Variants in CSMD3 observed in about 807,000 individuals in gnomAD.
The protein encoded by CSMD3 is CUB and Sushi multiple domains 3.
Under a neutral mutation model 435.2 loss-of-function variants are expected in CSMD3, and 177 were observed. That is an observed-to-expected ratio of 0.41 (90% confidence interval 0.36 to 0.46). The LOEUF is 0.46. Among genes scored for constraint, CSMD3 ranks in the 20% least tolerant of loss-of-function variants. CSMD3 has a pLI of 0.34. For synonymous variants in CSMD3, 1,656 were observed against 1,520.5 expected (o/e 1.09, Z -2.07); for missense variants, 4,265 against 4,504.6 (o/e 0.95, Z 1.52).
chr8:112,961,383 A>T (rs2084224009), intron 7 of CSMD3, among the ~76,000 whole-genome samples: 1 of 151,866 alleles, frequency 6.6e-6, no homozygotes, highest in African/African-American at 2.4e-5. Context: ...AATGTATAAA[A>T]CCATATAAAT....
Position 113,153,652 on chromosome 8 carries a change from C to T in CSMD3, c.709+20070G>A, listed in dbSNP as rs57741560. ...GTTGTCCAAAAAGTGAAAGAGTTGC[C>T]ATTAAAGGTTGTGAATTCACAGCTG... On this transcript the variant is annotated intron_variant, in intron 4 of 70. Transcript: ENST00000297405. Among the ~76,000 whole-genome samples the T allele has an allele frequency of 7.7e-3, 1,168 of 152,058 alleles. 16 individuals are homozygous for T. Among genetic ancestry groups the T allele is most frequent in the African/African-American group, 0.027 (1,118 of 41,510 alleles).
chr8:113,173,530 C>T (rs1241239153), intron 4 of CSMD3, among the ~76,000 whole-genome samples, 192 bp downstream of exon 4: 2 of 152,040 alleles, frequency 1.3e-5, no homozygotes, highest in Non-Finnish European at 2.9e-5. Context: ...CTATATTGGC[C>T]AGGCTGGTCT....
At chr8:112,539,512 C>G (rs1826461459) in intron 27 of CSMD3, among the ~76,000 whole-genome samples, 1 of 152,002 alleles carries the variant, frequency 6.6e-6, no homozygotes, top group African/African-American at 2.4e-5. Context: ...AGCTATCTGG[C>G]TTTAAAATAT....
chr8:112,642,391 G>A (rs1586870662), intron 20 of CSMD3, among the ~76,000 whole-genome samples: 1 of 152,094 alleles, frequency 6.6e-6, no homozygotes, highest in South Asian at 2.1e-4. Context: ...GAGCAATGTA[G>A]GCTGAATGAC....
At chr8:112,251,966 TAG>T (rs1252848655) in intron 63 of CSMD3, among the ~76,000 whole-genome samples, 1 of 151,962 alleles carries the variant, frequency 6.6e-6, no homozygotes, top group East Asian at 1.9e-4. Context: ...TTTTCAATGA[TAG>T]AGTTTTCATC....
At chr8:113,323,208 A>T (rs2132717702) in intron 1 of CSMD3, among the ~76,000 whole-genome samples, 1 of 152,260 alleles carries the variant, frequency 6.6e-6, no homozygotes, top group Middle Eastern at 3.4e-3. Flanking sequence ...TAAGAATGTA[A>T]GTTTCATGAG....
intron 54 of CSMD3, among the ~76,000 whole-genome samples, chr8:112,293,661 T>G (rs1819990872): frequency 6.6e-6 from 1 of 152,162 alleles, no homozygotes; most frequent in Admixed American, 6.6e-5. Context: ...TTTAATGCTG[T>G]GTCCCACTAT....
At chr8:112,705,498 T>A (rs1217670424) in intron 13 of CSMD3, among the ~76,000 whole-genome samples, 3 of 152,198 alleles carry the variant, frequency 2.0e-5, no homozygotes, top group Admixed American at 2.0e-4. Context: ...TCTTGAGGAC[T>A]CTCATGTACA....
rs540211665 is a variant in CSMD3 at position 112,751,839 on chromosome 8, G to A, written c.1972+48323C>T. On this transcript the variant is annotated intron_variant, in intron 13 of 70. Coordinates refer to ENST00000297405, the MANE Select transcript of CSMD3 (RefSeq NM_198123.2). Reference sequence around the variant, plus strand: ...ATTATTATTTTATTTTTTAAGTTTCGGGATACATATGCAGGATATGCAGGT... The same window carrying A: ...ATTATTATTTTATTTTTTAAGTTTCAGGATACATATGCAGGATATGCAGGT... Among the ~76,000 whole-genome samples the A allele has an allele frequency of 7.0e-4, 106 of 151,638 alleles. 1 individual carries two copies. Among genetic ancestry groups the A allele is most frequent in the African/African-American group, 2.3e-3 (97 of 41,352 alleles).
At chr8:112,327,430 T>G (rs1421972087) in intron 45 of CSMD3, among the ~76,000 whole-genome samples, 1 of 152,172 alleles carries the variant, frequency 6.6e-6, no homozygotes, top group African/African-American at 2.4e-5. Flanking sequence ...AGGTCACACA[T>G]TCAGCCACTG....
chr8:113,389,516 A>G (rs1813063563), intron 1 of CSMD3, among the ~76,000 whole-genome samples: 1 of 151,730 alleles, frequency 6.6e-6, no homozygotes, highest in Admixed American at 6.6e-5. Context: ...AAGCATTTCT[A>G]TGCATATCAT....
chr8:112,443,299 T>C (rs1232326537), intron 32 of CSMD3, among the ~76,000 whole-genome samples: 1 of 152,204 alleles, frequency 6.6e-6, no homozygotes, highest in Non-Finnish European at 1.5e-5. Flanking sequence ...CAAACGGTTA[T>C]TTTGAAATGA....
At chr8:113,106,891 ATG>A (rs1037014038) in intron 4 of CSMD3, among the ~76,000 whole-genome samples, 123 of 35,124 alleles carry the variant, frequency 3.5e-3, no homozygotes, top group African/African-American at 0.011. Flanking sequence ...TATAACTCAC[ATG>A]TGTTCACCCA....
intron 3 of CSMD3, among the ~76,000 whole-genome samples, chr8:113,223,824 A>T (rs1258916420): frequency 6.7e-6 from 1 of 150,320 alleles, no homozygotes. Context: ...ATATAAGGAA[A>T]AAAAAACATG....
intron 27 of CSMD3, among the ~76,000 whole-genome samples, chr8:112,522,571 TGAA>T (rs1391120954): frequency 1.3e-5 from 2 of 152,016 alleles, no homozygotes; most frequent in South Asian, 4.1e-4. Context: ...AATGAATGAA[TGAA>T]TGAATAAATG....
At chr8:113,301,842 T>C (rs972457056) in intron 2 of CSMD3, among the ~76,000 whole-genome samples, 3 of 152,048 alleles carry the variant, frequency 2.0e-5, no homozygotes, top group Admixed American at 6.6e-5. Flanking sequence ...TTTTACATGA[T>C]TATTTGATGG....
intron 31 of CSMD3, among the ~76,000 whole-genome samples, chr8:112,483,374 T>C (rs1257350938): frequency 6.6e-6 from 1 of 151,970 alleles, no homozygotes; most frequent in East Asian, 1.9e-4. Flanking sequence ...GTGCCTATAA[T>C]CCTAGCTACT....
intron 22 of CSMD3, among the ~76,000 whole-genome samples, chr8:112,599,867 G>A (rs1356072202): frequency 8.6e-5 from 6 of 70,002 alleles, no homozygotes; most frequent in African/African-American, 4.1e-4. Flanking sequence ...TGGGGACTGT[G>A]GTGGGGTGGG....
intron 1 of CSMD3, among the ~76,000 whole-genome samples, chr8:113,378,676 A>G (rs2094400779): frequency 6.6e-6 from 1 of 152,138 alleles, no homozygotes; most frequent in Non-Finnish European, 1.5e-5. Context: ...GCTTTAATGC[A>G]GTGGATTTCA....
Sources: gnomAD v4.1 joint callset for allele counts (sites outside exome capture counted in the v4.1 genomes callset) on GRCh38, gnomAD v4.1.1 for gene constraint, MANE v1.5 for transcripts, NCBI Gene and HGNC (gene_info 2026-07-23, HGNC 2026-07-21) for gene names.